Variants in FUNDC1 observed in about 807,000 individuals in gnomAD.
FUNDC1 encodes FUN14 domain containing 1, also known as FUN14 domain-containing protein 1.
A neutral mutation model predicts 14.5 loss-of-function variants in FUNDC1; 10 were observed. That is an observed-to-expected ratio of 0.69 (90% CI 0.43 to 1.17). FUNDC1 has a LOEUF of 1.17. FUNDC1 is among the 50% of genes most tolerant of loss of function. FUNDC1 has a pLI of 0.00. For missense variants in FUNDC1, 115 were observed against 113.8 expected (o/e 1.01, Z -0.05); for synonymous variants, 33 against 39.7 (o/e 0.83, Z 0.64).
Position 44,525,535 on chromosome X carries a change from GA to G in FUNDC1, c.391-1261del, listed in dbSNP as rs1016166694. ...AAAAAGCCACACAAGATATTTTGTA[GA>G]AAAATATTAATATGAACTGCATATT... On this transcript the variant is annotated intron_variant, in intron 4 of 4. Coordinates refer to ENST00000378045, the MANE Select transcript of FUNDC1 (RefSeq NM_173794.4). 4.5e-5 allele frequency among the ~76,000 whole-genome samples: 5 copies of G among 110,259 alleles called. No homozygotes were observed. In the Admixed American group the frequency reaches 4.9e-4, roughly 11 times the overall value.
chrX:44,526,023 G>A (rs2038899526), intron 4 of FUNDC1, among the ~76,000 whole-genome samples: 1 of 109,287 alleles, frequency 9.2e-6, no homozygotes, highest in Non-Finnish European at 1.9e-5. Context: ...AGGACCATTT[G>A]AGCCAGGGGA....
chrX:44,531,765 AACACACACACACACACACAC>A (rs143142516), intron 3 of FUNDC1, among the ~76,000 whole-genome samples: 1 of 87,381 alleles, frequency 1.1e-5, no homozygotes, highest in African/African-American at 4.2e-5. Context: ...AGAAGCTTAA[AACACACACACACACACACAC>A]ACACACACAC....
At chrX:44,531,526 T>C (rs1180829440) in intron 3 of FUNDC1, among the ~76,000 whole-genome samples, 1 of 109,715 alleles carries the variant, frequency 9.1e-6, no homozygotes, top group African/African-American at 3.3e-5. Context: ...TCATTTTTCT[T>C]GGACTGGTCA....
At position 44,542,165 on chromosome X, in the gene FUNDC1, C is replaced by T. The variant is rs1469268319; in HGVS notation, c.29-64G>A. 4 of 879,452 alleles carry T rather than the reference C, an allele frequency of 4.5e-6. No individual in the cohort carries two copies. The Admixed American group carries it at 1.2e-4, about 27-fold the overall frequency. 72.5% of individuals were successfully genotyped at this position (879,452 alleles called of 1,213,427 possible). A position where few individuals can be genotyped will look rare whatever the true frequency, so the allele number is the denominator to read the frequency against. On this transcript the variant is annotated intron_variant, in intron 1 of 4. Coordinates refer to ENST00000378045, the MANE Select transcript of FUNDC1 (RefSeq NM_173794.4). ...AATCAAAAGTCAGAAATGTTCTATA[C>T]ATCTTTTTAAAAATCTGTTACAACT...
intron 2 of FUNDC1, 103 bp downstream of exon 2, chrX:44,541,842 A>C: frequency 1.5e-6 from 1 of 650,825 alleles, no homozygotes; most frequent in Non-Finnish European, 2.2e-6. Flanking sequence ...TGGAATTAAC[A>C]GTGTAGACCT....
At chrX:44,528,928 C>T (rs1412924098) in intron 3 of FUNDC1, among the ~76,000 whole-genome samples, 1 of 111,139 alleles carries the variant, frequency 9.0e-6, no homozygotes, top group Non-Finnish European at 1.9e-5. Flanking sequence ...ATCTCCTGAC[C>T]TCGTGATCCA....
In FUNDC1 at chrX:44,542,120, C is replaced by CA; in HGVS notation, c.29-20dup. On this transcript the variant is annotated intron_variant, in intron 1 of 4. Coordinates refer to ENST00000378045, the MANE Select transcript of FUNDC1 (RefSeq NM_173794.4). ...TCATAGTCTTCAAAATAGCAAAATG[C>CA]AAAAAATAAATGTAGAGTCAATCAA... 1.8e-6 allele frequency: 2 copies of CA among 1,142,517 alleles called. No individual in the cohort carries two copies. The highest frequency in any genetic ancestry group is 2.4e-6 in the Non-Finnish European group (2 of 845,327). 94.2% of individuals were successfully genotyped at this position (1,142,517 alleles called of 1,213,427 possible).
rs754676361 is a variant in FUNDC1, at chrX:44,527,382, A to G, written c.262-17T>C. ...ACTAGCAATCTGCAAAAAATATAAT[A>G]AAAATTATCAATACTATACCAACTA... On this transcript the variant is annotated splice_polypyrimidine_tract_variant and intron_variant, in intron 3 of 4. Coordinates refer to ENST00000378045, the MANE Select transcript of FUNDC1 (RefSeq NM_173794.4). 13 of 1,138,784 alleles carry G rather than the reference A, an allele frequency of 1.1e-5. 1 individual carries two copies. The highest frequency in any genetic ancestry group is 1.5e-5 in the Non-Finnish European group (13 of 844,983). The allele number at this position is 1,138,784 out of a possible 1,213,427, so 93.8% of individuals were successfully genotyped here.
At chrX:44,527,415 G>A (rs745936800) in intron 3 of FUNDC1, 50 bp from the exon 4 acceptor site, 2 of 941,437 alleles carry the variant, frequency 2.1e-6, no homozygotes, top group Non-Finnish European at 2.9e-6. Flanking sequence ...CTAGGTTGCT[G>A]ACTATAATAG....
chrX:44,528,012 A>G (rs955655696), intron 3 of FUNDC1, among the ~76,000 whole-genome samples: 4 of 112,013 alleles, frequency 3.6e-5, no homozygotes, highest in African/African-American at 1.3e-4. Context: ...AATGCCTATC[A>G]TAAGAAAAAT....
intron 3 of FUNDC1, among the ~76,000 whole-genome samples, chrX:44,531,317 C>CAG (rs2038924145): frequency 4.4e-5 from 1 of 22,846 alleles, no homozygotes. Flanking sequence ...GTTGGCCAGA[C>CAG]ACACACACAC....
At chrX:44,539,543 G>C (rs1329028803) in intron 2 of FUNDC1, among the ~76,000 whole-genome samples, 3 of 111,728 alleles carry the variant, frequency 2.7e-5, no homozygotes, top group African/African-American at 9.8e-5. Context: ...CCAGAAGCTA[G>C]CAGAGAAACA....
At chrX:44,524,326 G>A (rs1449123538) in intron 4 of FUNDC1, 51 bp from the exon 5 acceptor site, 3 of 840,390 alleles carry the variant, frequency 3.6e-6, no homozygotes, top group Middle Eastern at 2.8e-4. Flanking sequence ...CAACAGGGAT[G>A]AACCTTGAAA....
intron 4 of FUNDC1, among the ~76,000 whole-genome samples, chrX:44,525,050 G>A (rs761702594): frequency 9.0e-6 from 1 of 111,634 alleles, no homozygotes; most frequent in Admixed American, 9.6e-5. Flanking sequence ...ATAAAATCAT[G>A]AGGAAGCCAT....
intron 3 of FUNDC1, among the ~76,000 whole-genome samples, chrX:44,534,683 G>A (rs1457302771): frequency 9.0e-6 from 1 of 110,987 alleles, no homozygotes; most frequent in Non-Finnish European, 1.9e-5. Context: ...CTGGAAGTCA[G>A]AAGACAATGG....
In FUNDC1 at chrX:44,524,211, C is replaced by T. The variant is rs764081865; in HGVS notation, c.455G>A (p.Gly152Glu). 1 of 1,195,536 alleles carries T rather than the reference C, an allele frequency of 8.4e-7. No individual in the cohort carries two copies. The highest frequency in any genetic ancestry group is 1.1e-6 in the Non-Finnish European group (1 of 881,276). The change falls in exon 5 of 5, where the codon GGA becomes GAA. Residue 152 changes from glycine (G) to glutamate (E), a missense_variant. Transcript: ENST00000378045. Reference sequence around the variant, plus strand: ...ATATTCATGTCCTTAAGATGCAAGTCCGAGCAAAAAGCCTCCCACAAATCC... The same window carrying T: ...ATATTCATGTCCTTAAGATGCAAGTTCGAGCAAAAAGCCTCCCACAAATCC... Reference protein sequence around the residue: ...SSGFVGGFLLGLAS With the variant: ...SSGFVGGFLLELAS
At chrX:44,527,063 C>A (rs2038905325) in intron 4 of FUNDC1, among the ~76,000 whole-genome samples, 174 bp downstream of exon 4, 1 of 107,646 alleles carries the variant, frequency 9.3e-6, no homozygotes, top group South Asian at 4.1e-4. Flanking sequence ...AAAATAATGA[C>A]TGATTTAAGT....
Position 44,531,247 on chromosome X carries a change from A to AACAC in FUNDC1, c.262-3886_262-3883dup, listed in dbSNP as rs759868973. Among the ~76,000 whole-genome samples, 143 of 50,405 alleles carry AACAC rather than the reference A, an allele frequency of 2.8e-3. 6 individuals carry two copies. In the Middle Eastern group the frequency reaches 0.032, roughly 11 times the overall value. The allele number at this position is 50,405 out of a possible 115,157, so 43.8% of individuals were successfully genotyped here. ...CAGAGAGTGAGACTGTTTCCAGAAA[A>AACAC]ACACACACACACACACACACACACA... On this transcript the variant is annotated intron_variant, in intron 3 of 4. Coordinates refer to ENST00000378045, the MANE Select transcript of FUNDC1 (RefSeq NM_173794.4).
intron 4 of FUNDC1, 118 bp downstream of exon 4, chrX:44,527,118 CA>C: frequency 4.1e-6 from 2 of 487,261 alleles, no homozygotes; most frequent in Non-Finnish European, 6.3e-6. Flanking sequence ...GATATATAAC[CA>C]AAAACACCAT....
Sources: allele counts gnomAD v4.1 joint callset (sites outside exome capture counted in the v4.1 genomes callset), GRCh38; gene constraint gnomAD v4.1.1; transcripts MANE v1.5; gene names NCBI Gene and HGNC (gene_info 2026-07-23, HGNC 2026-07-21).